The following LYPD6 variants were observed in gnomAD, a reference collection of about 807,000 sequenced individuals.
LYPD6 encodes the protein LY6/PLAUR domain containing 6, also known as ly6/PLAUR domain-containing protein 6.
In LYPD6, 15 loss-of-function variants were observed where a neutral mutation model predicts 22.7. That is an observed-to-expected ratio of 0.66 (90% CI 0.44 to 1.02). The LOEUF is 1.02. Ranked by LOEUF, LYPD6 falls within the 50% of genes least tolerant of loss-of-function variation. LYPD6 has a pLI of 0.00. For synonymous variants in LYPD6, 72 were observed against 77.5 expected, an observed-to-expected ratio of 0.93 and a Z score of 0.37; for missense variants, 189 against 208.4, an observed-to-expected ratio of 0.91 and a Z score of 0.57.
At chr2:149,443,217 G>A (rs953249121) in intron 2 of LYPD6, among the ~76,000 whole-genome samples, 1 of 152,186 alleles carries the variant, frequency 6.6e-6, no homozygotes, top group Non-Finnish European at 1.5e-5. Flanking sequence ...CAACTTACTA[G>A]TGTTAGGGTC....
chr2:149,484,592 G>A, the LYPD6 span, among the ~76,000 whole-genome samples: 1 of 152,184 alleles, frequency 6.6e-6, no homozygotes, highest in Non-Finnish European at 1.5e-5. Flanking sequence ...GAACCTGGTG[G>A]ATGCAGGCAA....
intron 1 of LYPD6, among the ~76,000 whole-genome samples, chr2:149,436,842 A>G (rs1233673398): frequency 6.6e-6 from 1 of 152,176 alleles, no homozygotes; most frequent in African/African-American, 2.4e-5. Flanking sequence ...TGGCCTCCCA[A>G]AGTGCTGGGA....
chr2:149,427,555 A>G (rs1422109515), intron 1 of LYPD6, among the ~76,000 whole-genome samples: 1 of 152,224 alleles, frequency 6.6e-6, no homozygotes, highest in Non-Finnish European at 1.5e-5. Flanking sequence ...AAAGCAAACA[A>G]GCACACAGCC....
chr2:149,413,082 T>C (rs1682887928), intron 1 of LYPD6, among the ~76,000 whole-genome samples: 1 of 152,190 alleles, frequency 6.6e-6, no homozygotes, highest in Non-Finnish European at 1.5e-5. Context: ...TGTTTTCCCT[T>C]CTTCTTGACT....
chr2:149,452,048 C>T (rs1238274756), intron 3 of LYPD6, among the ~76,000 whole-genome samples: 1 of 152,180 alleles, frequency 6.6e-6, no homozygotes, highest in Non-Finnish European at 1.5e-5. Flanking sequence ...TGCAGTAGCT[C>T]TACAACTTGG....
chr2:149,350,023 G>T (rs539254186), intron 1 of LYPD6, among the ~76,000 whole-genome samples: 1 of 152,288 alleles, frequency 6.6e-6, no homozygotes, highest in Non-Finnish European at 1.5e-5. Flanking sequence ...AATCTAAGGT[G>T]CATGAGTATT....
the LYPD6 span, among the ~76,000 whole-genome samples, chr2:149,481,969 A>T: frequency 1.3e-5 from 2 of 152,262 alleles, no homozygotes; most frequent in South Asian, 2.1e-4. Context: ...CAGGGCTCAG[A>T]CCCTGGGAGC....
chr2:149,401,295 G>C (rs151306739), intron 1 of LYPD6, among the ~76,000 whole-genome samples: 245 of 152,328 alleles, frequency 1.6e-3, no homozygotes, highest in South Asian at 9.9e-3. Flanking sequence ...TCTGGGAAGT[G>C]TATTTTGGGT....
intron 1 of LYPD6, among the ~76,000 whole-genome samples, chr2:149,382,140 T>G (rs185360421): frequency 8.3e-4 from 127 of 152,286 alleles, no homozygotes; most frequent in Non-Finnish European, 1.5e-3. Context: ...AGGAAAAACA[T>G]AACCTTGTTA....
rs150569646 is a variant in LYPD6 at position 149,428,185 on chromosome 2, G to T, written c.-71-9453G>T. On this transcript the variant is annotated intron_variant, in intron 1 of 4. Coordinates refer to ENST00000334166, the MANE Select transcript of LYPD6 (RefSeq NM_194317.5). ...TAACCTTTAGCTGATAAGGCTTAAAGAAATATTAATGTAAAAAGCATATTT... is the reference window on the plus strand; with the variant it reads ...TAACCTTTAGCTGATAAGGCTTAAATAAATATTAATGTAAAAAGCATATTT... 4.0e-4 allele frequency among the ~76,000 whole-genome samples: 61 copies of T among 152,244 alleles called. No individual in the cohort carries two copies. The East Asian group carries it at 0.01, about 25-fold the overall frequency.
At chr2:149,375,565 A>T (rs529594164) in intron 1 of LYPD6, among the ~76,000 whole-genome samples, 1 of 152,318 alleles carries the variant, frequency 6.6e-6, no homozygotes, top group South Asian at 2.1e-4. Flanking sequence ...CCTAAAGAGA[A>T]TCAGAAAAAT....
chr2:149,371,678 G>C (rs1021074538), intron 1 of LYPD6, among the ~76,000 whole-genome samples: 1 of 152,136 alleles, frequency 6.6e-6, no homozygotes, highest in African/African-American at 2.4e-5. Context: ...GTCAGAACCC[G>C]TGCCTGGCAC....
chr2:149,412,524 G>A (rs919828870), intron 1 of LYPD6, among the ~76,000 whole-genome samples: 20 of 151,662 alleles, frequency 1.3e-4, no homozygotes, highest in African/African-American at 3.9e-4. Context: ...TAGAGTTCTC[G>A]AGTCTGTTTC....
In LYPD6 at chr2:149,398,413, TTGTGTGTGTGTGTG is replaced by T. The variant is rs10584410; in HGVS notation, c.-71-39203_-71-39190del. 8.2e-3 allele frequency among the ~76,000 whole-genome samples: 1,209 copies of T among 147,852 alleles called. 8 individuals are homozygous for T. Among genetic ancestry groups the T allele is most frequent in the African/African-American group, 0.029 (1,166 of 40,226 alleles). ...TATGATGGGAATAGCAAAGATGGCT[TTGTGTGTGTGTGTG>T]TGTGTGTGTGTGTGTGTGTGTATGT... On this transcript the variant is annotated intron_variant, in intron 1 of 4. Transcript: ENST00000334166.
At chr2:149,330,807 G>C (rs1239219428) in intron 1 of LYPD6, 85 bp downstream of exon 1, 2 of 152,314 alleles carry the variant, frequency 1.3e-5, no homozygotes, top group Non-Finnish European at 2.9e-5. Context: ...GCCTGGCCAA[G>C]GCAGGGAGTG....
intron 1 of LYPD6, among the ~76,000 whole-genome samples, chr2:149,375,754 C>A (rs189955737): frequency 3.9e-4 from 60 of 152,144 alleles, no homozygotes; most frequent in Non-Finnish European, 7.4e-5. Context: ...GCTGTGATTG[C>A]AGGGAGGCAA....
At chr2:149,465,797 A>G (rs1681186895) in intron 3 of LYPD6, among the ~76,000 whole-genome samples, 1 of 152,164 alleles carries the variant, frequency 6.6e-6, no homozygotes, top group Admixed American at 6.5e-5. Context: ...ATATTTTCCA[A>G]TTGTTGATGA....
chr2:149,442,613 G>C (rs1683591693), intron 2 of LYPD6, among the ~76,000 whole-genome samples: 1 of 148,586 alleles, frequency 6.7e-6, no homozygotes, highest in African/African-American at 2.5e-5. Context: ...GAAGCAAATA[G>C]CACATCTCTT....
chr2:149,409,254 T>A (rs1270137281), intron 1 of LYPD6, among the ~76,000 whole-genome samples: 1 of 152,160 alleles, frequency 6.6e-6, no homozygotes, highest in African/African-American at 2.4e-5. Flanking sequence ...CTGTGATGTA[T>A]CTCATCTTCA....
Sources: allele counts gnomAD v4.1 joint callset (sites outside exome capture counted in the v4.1 genomes callset), GRCh38; gene constraint gnomAD v4.1.1; transcripts MANE v1.5; gene names NCBI Gene and HGNC (gene_info 2026-07-23, HGNC 2026-07-21).